Variants in SH3KBP1 observed in about 807,000 individuals in gnomAD.
The protein encoded by SH3KBP1 is SH3 domain-containing kinase-binding protein 1.
Under a neutral mutation model 50.1 loss-of-function variants are expected in SH3KBP1, and 8 were observed. That is an observed-to-expected ratio of 0.16 (90% CI 0.09 to 0.29). SH3KBP1 has a LOEUF of 0.29. Ranked by LOEUF, SH3KBP1 falls within the 10% of genes least tolerant of loss-of-function variation. SH3KBP1 has a pLI of 1.00. For synonymous variants in SH3KBP1, 227 were observed against 218.6 expected, an observed-to-expected ratio of 1.04 and a Z score of -0.34; for missense variants, 377 against 535.2, an observed-to-expected ratio of 0.70 and a Z score of 2.92.
At chrX:19,879,430 C>G (rs745658327) in intron 1 of SH3KBP1, among the ~76,000 whole-genome samples, 1 of 111,209 alleles carries the variant, frequency 9.0e-6, no homozygotes, top group Non-Finnish European at 1.9e-5. Context: ...GAGGCTCAGT[C>G]TCATCATCTG....
In SH3KBP1 at chrX:19,641,306, A is replaced by G. The variant is rs749151595; in HGVS notation, c.802+4094T>C. ...TCAAGTGTCTTACAGGAACAAATGT[A>G]TTTTGTTTTGATTTTTTGTTTTGTT... On this transcript the variant is annotated intron_variant, in intron 7 of 17. Coordinates refer to ENST00000397821, the MANE Select transcript of SH3KBP1 (RefSeq NM_031892.3). Among the ~76,000 whole-genome samples the G allele has an allele frequency of 1.8e-3, 199 of 112,037 alleles. 1 individual carries two copies. The highest frequency in any genetic ancestry group is 6.2e-3 in the African/African-American group (191 of 30,878).
At chrX:19,577,453 A>G (rs972733917) in intron 12 of SH3KBP1, among the ~76,000 whole-genome samples, 2 of 111,343 alleles carry the variant, frequency 1.8e-5, no homozygotes, top group Admixed American at 1.9e-4. Flanking sequence ...CTCAGTTTAA[A>G]AGTACTACTA....
At chrX:19,814,714 C>T (rs2067305249) in intron 2 of SH3KBP1, among the ~76,000 whole-genome samples, 1 of 111,561 alleles carries the variant, frequency 9.0e-6, no homozygotes, top group African/African-American at 3.3e-5. Flanking sequence ...AATCCCATCC[C>T]CAACATTCAT....
intron 3 of SH3KBP1, among the ~76,000 whole-genome samples, chrX:19,743,726 G>A (rs1384332550): frequency 8.9e-6 from 1 of 112,280 alleles, no homozygotes; most frequent in Non-Finnish European, 1.9e-5. Context: ...GTCACAAGAC[G>A]CAAAAACAGC....
In SH3KBP1 at chrX:19,790,571, T is replaced by C. The variant is rs1299757107; in HGVS notation, c.163-44130A>G. ...GTTAAAATTTGATTAGGGATACATA[T>C]CTGATCCAAGATAATAAAACAATTT... is the stretch of plus-strand genomic sequence containing the variant. On this transcript the variant is annotated intron_variant, in intron 2 of 17. Coordinates refer to ENST00000397821, the MANE Select transcript of SH3KBP1 (RefSeq NM_031892.3). 1.7e-4 allele frequency among the ~76,000 whole-genome samples: 19 copies of C among 111,057 alleles called. No homozygotes were observed. In the Admixed American group the frequency reaches 1.8e-3, roughly 11 times the overall value.
intron 2 of SH3KBP1, among the ~76,000 whole-genome samples, chrX:19,773,665 G>A (rs2065863385): frequency 9.3e-6 from 1 of 108,063 alleles, no homozygotes; most frequent in Non-Finnish European, 1.9e-5. Flanking sequence ...GATCATCCTG[G>A]CTAACACAGT....
chrX:19,830,694 T>C (rs2067846166), intron 2 of SH3KBP1, among the ~76,000 whole-genome samples: 1 of 109,487 alleles, frequency 9.1e-6, no homozygotes, highest in Non-Finnish European at 1.9e-5. Flanking sequence ...CCCAGGAGTT[T>C]GAGGCTACAG....
At chrX:19,616,424 T>C (rs2067615662) in intron 8 of SH3KBP1, among the ~76,000 whole-genome samples, 1 of 111,795 alleles carries the variant, frequency 8.9e-6, no homozygotes, top group African/African-American at 3.3e-5. Context: ...AGAAACTGGG[T>C]GGATAACACA....
At chrX:19,668,826 C>T (rs1315201627) in intron 6 of SH3KBP1, among the ~76,000 whole-genome samples, 2 of 86,450 alleles carry the variant, frequency 2.3e-5, no homozygotes, top group Non-Finnish European at 4.4e-5. Context: ...CTCCAGCCAG[C>T]CTGGGCGACA....
intron 3 of SH3KBP1, among the ~76,000 whole-genome samples, chrX:19,740,082 A>G (rs2064722977): frequency 9.0e-6 from 1 of 111,492 alleles, no homozygotes; most frequent in South Asian, 3.8e-4. Flanking sequence ...TCGCAACATG[A>G]TGGCTATACC....
chrX:19,852,866 G>A (rs1240778667), intron 1 of SH3KBP1, among the ~76,000 whole-genome samples: 4 of 111,439 alleles, frequency 3.6e-5, no homozygotes, highest in Admixed American at 1.9e-4. Flanking sequence ...ATGCATGATC[G>A]GAGAGAAGTC....
intron 13 of SH3KBP1, among the ~76,000 whole-genome samples, chrX:19,551,669 C>T (rs1478998966): frequency 9.3e-6 from 1 of 108,006 alleles, no homozygotes; most frequent in Admixed American, 9.9e-5. Flanking sequence ...CTCAGCCTCC[C>T]TACAGGCACG....
At chrX:19,851,844 TA>T (rs1245458279) in intron 1 of SH3KBP1, among the ~76,000 whole-genome samples, 1 of 111,994 alleles carries the variant, frequency 8.9e-6, no homozygotes, top group Non-Finnish European at 1.9e-5. Context: ...GCAGAAAATA[TA>T]CTCTTAAAAT....
intron 2 of SH3KBP1, among the ~76,000 whole-genome samples, chrX:19,803,747 C>CA (rs897592079): frequency 3.6e-5 from 4 of 110,509 alleles, no homozygotes; most frequent in Admixed American, 9.6e-5. Flanking sequence ...TCTCAGTTAT[C>CA]AAAAAAAATA....
intron 2 of SH3KBP1, among the ~76,000 whole-genome samples, chrX:19,813,098 G>A (rs939142616): frequency 5.5e-5 from 6 of 109,047 alleles, no homozygotes; most frequent in Admixed American, 2.9e-4. Flanking sequence ...AGCCATGATC[G>A]CGCCACTGCA....
At position 19,537,699 on chromosome X, in the gene SH3KBP1, G is replaced by A. The variant is rs772126704; in HGVS notation, c.1956+18C>T. On this transcript the variant is annotated intron_variant, in intron 17 of 17. Coordinates refer to ENST00000397821, the MANE Select transcript of SH3KBP1 (RefSeq NM_031892.3). The stretch of plus-strand genomic sequence containing the variant: ...CTGAGCCTAGGACTCACGGGCAGCA[G>A]AACCCAAAGGGACGCACCTGCAACC... The A allele has an allele frequency of 8.3e-7, 1 of 1,204,000 alleles. No individual in the cohort carries two copies. Among genetic ancestry groups the A allele is most frequent in the South Asian group, 1.8e-5 (1 of 56,765 alleles).
chrX:19,645,536 T>C, intron 6 of SH3KBP1, 61 bp from the exon 7 acceptor site: 1 of 890,757 alleles, frequency 1.1e-6, no homozygotes, highest in Non-Finnish European at 1.6e-6. Context: ...AGCAAAGGAA[T>C]AAGATCCAGA....
chrX:19,537,691 G>C, intron 17 of SH3KBP1, 26 bp downstream of exon 17: 6 of 1,194,365 alleles, frequency 5.0e-6, no homozygotes, highest in Non-Finnish European at 6.8e-6. Flanking sequence ...TAGGACTCAC[G>C]GGCAGCAGAA....
At chrX:19,882,193 A>G (rs1446593568) in intron 1 of SH3KBP1, among the ~76,000 whole-genome samples, 1 of 111,911 alleles carries the variant, frequency 8.9e-6, no homozygotes, top group Non-Finnish European at 1.9e-5. Context: ...CAGTTATCCA[A>G]GAGAAACCAG....
Sources: gnomAD v4.1 joint callset for allele counts (sites outside exome capture counted in the v4.1 genomes callset) on GRCh38, gnomAD v4.1.1 for gene constraint, MANE v1.5 for transcripts, NCBI Gene and HGNC (gene_info 2026-07-23, HGNC 2026-07-21) for gene names.